APBA2: variants seen among roughly 807,000 people sequenced by gnomAD.
The protein encoded by APBA2 is amyloid-beta A4 precursor protein-binding family A member 2.
A neutral mutation model predicts 75.0 loss-of-function variants in APBA2; 30 were observed. The ratio of observed to expected loss-of-function variants is 0.40; its 90% CI spans 0.30 to 0.54. The LOEUF (loss-of-function observed/expected upper bound fraction) is 0.54. Among genes scored for constraint, APBA2 ranks in the 20% least tolerant of loss-of-function variants. The pLI is 0.49. For synonymous variants in APBA2, 444 were observed against 409.6 expected, an observed-to-expected ratio of 1.08 and a Z score of -1.01; for missense variants, 801 against 1,016.1, an observed-to-expected ratio of 0.79 and a Z score of 2.88.
intron 2 of APBA2, among the ~76,000 whole-genome samples, chr15:28,957,746 CG>C (rs1193062233): frequency 1.3e-5 from 2 of 152,028 alleles, no homozygotes; most frequent in Non-Finnish European, 2.9e-5. Flanking sequence ...GAGAGGGCGA[CG>C]GGTGGTGCTG....
rs563644146 is a variant in APBA2 at position 28,989,045 on chromosome 15, G to A, written c.-94-6708G>A. ...TTTGCATTTCCCTGCGTGCCAGTGA[G>A]GCTAACATCTTTCCATGTATCTATT... On this transcript the variant is annotated intron_variant, in intron 2 of 14. Transcript: ENST00000683413. Among the ~76,000 whole-genome samples the A allele has an allele frequency of 5.4e-4, 82 of 152,208 alleles. 1 individual carries two copies. The South Asian group carries it at 0.016, about 30-fold the overall frequency.
intron 14 of APBA2, among the ~76,000 whole-genome samples, chr15:29,114,775 T>A (rs12914907): frequency 1.9e-4 from 17 of 89,286 alleles, no homozygotes; most frequent in East Asian, 6.2e-4. Flanking sequence ...TGTACCTGAG[T>A]GTGCGTGTGG....
intron 3 of APBA2, among the ~76,000 whole-genome samples, chr15:29,027,540 T>C (rs1391957087): frequency 2.0e-5 from 3 of 152,124 alleles, no homozygotes; most frequent in Admixed American, 1.3e-4. Context: ...ATATGTATTC[T>C]TTTTATACTG....
At chr15:29,105,317 TGAG>T (rs1357496085) in intron 10 of APBA2, 59 bp from the exon 11 acceptor site, 9 of 1,525,676 alleles carry the variant, frequency 5.9e-6, no homozygotes, top group Middle Eastern at 1.9e-4. Context: ...AGCCCCCTGC[TGAG>T]GAGGCTGCGG....
chr15:28,997,951 C>T (rs2038622119), intron 3 of APBA2, among the ~76,000 whole-genome samples: 1 of 152,186 alleles, frequency 6.6e-6, no homozygotes, highest in Non-Finnish European at 1.5e-5. Context: ...CATATTCCTT[C>T]TCAGAGAGAA....
intron 1 of APBA2, among the ~76,000 whole-genome samples, chr15:28,904,625 T>C (rs150326861): frequency 0.031 from 4,778 of 152,266 alleles, 262 homozygotes; most frequent in African/African-American, 0.11. Context: ...ACCCATTTGA[T>C]GGTACACCAT....
chr15:29,036,009 C>T (rs1001446930), intron 3 of APBA2, among the ~76,000 whole-genome samples: 8 of 152,162 alleles, frequency 5.3e-5, no homozygotes, highest in African/African-American at 1.7e-4. Context: ...GGGACTCCAC[C>T]GCTGGTGACC....
chr15:29,092,262 C>G lies in APBA2; in HGVS notation c.1070-813C>G, dbSNP rs1278657340. Among the ~76,000 whole-genome samples, 3 of 152,186 alleles carry G rather than the reference C, an allele frequency of 2.0e-5. No homozygotes were observed. In the East Asian group the frequency reaches 5.8e-4, roughly 29 times the overall value. On this transcript the variant is annotated intron_variant, in intron 6 of 14. Transcript: ENST00000683413. ...ACAGGAAAGGTTTGCCCACCCCTAG[C>G]TGGAGCCTTATTGTCTGGCATAGGA...
intron 1 of APBA2, among the ~76,000 whole-genome samples, chr15:28,896,220 A>G (rs989649559): frequency 4.6e-5 from 7 of 152,332 alleles, no homozygotes; most frequent in Middle Eastern, 3.4e-3. Flanking sequence ...TTTTAATCAG[A>G]TATCTAATAT....
At chr15:28,914,398 TCAGAATTG>T (rs1417937435) in intron 1 of APBA2, among the ~76,000 whole-genome samples, 7 of 152,184 alleles carry the variant, frequency 4.6e-5, no homozygotes, top group African/African-American at 1.7e-4. Context: ...TATGAAGGAT[TCAGAATTG>T]CAGAAGTTTG....
At chr15:28,950,456 T>C (rs540953655) in intron 2 of APBA2, among the ~76,000 whole-genome samples, 1 of 151,976 alleles carries the variant, frequency 6.6e-6, no homozygotes, top group Non-Finnish European at 1.5e-5. Flanking sequence ...TGAAACCCCG[T>C]CTCTATTAAA....
chr15:29,047,586 G>A (rs545179620), intron 3 of APBA2, among the ~76,000 whole-genome samples: 7 of 152,172 alleles, frequency 4.6e-5, no homozygotes, highest in Middle Eastern at 3.4e-3. Flanking sequence ...TCTCCCCCTG[G>A]TTCAGCCATC....
chr15:28,965,942 G>T (rs1186378188), intron 2 of APBA2, among the ~76,000 whole-genome samples: 3 of 152,110 alleles, frequency 2.0e-5, no homozygotes, highest in Admixed American at 6.5e-5. Flanking sequence ...TTTCCCTTGA[G>T]ATTTCCCCTT....
chr15:29,058,044 GA>G (rs1177705631), intron 4 of APBA2, among the ~76,000 whole-genome samples: 2 of 152,060 alleles, frequency 1.3e-5, no homozygotes, highest in Non-Finnish European at 1.5e-5. Flanking sequence ...ATTTTCTTTT[GA>G]ATTTTGGTTA....
intron 10 of APBA2, 34 bp from the exon 11 acceptor site, chr15:29,105,345 G>A (rs376200485): frequency 4.2e-5 from 68 of 1,601,154 alleles, no homozygotes; most frequent in Middle Eastern, 1.7e-4. Flanking sequence ...CCTGTGCCAC[G>A]TGCCTGTCTC....
chr15:29,070,938 C>G (rs2042593113), intron 4 of APBA2: 1 of 382,292 alleles, frequency 2.6e-6, no homozygotes, highest in South Asian at 2.0e-5. Flanking sequence ...TTCTCTGTCA[C>G]AGGGTTACGT....
At chr15:29,092,995 T>A in intron 6 of APBA2, 80 bp from the exon 7 acceptor site, 1 of 1,576,160 alleles carries the variant, frequency 6.3e-7, no homozygotes, top group African/African-American at 1.3e-5. Context: ...CCGTGTTCCT[T>A]GTGCTATGGC....
intron 2 of APBA2, among the ~76,000 whole-genome samples, chr15:28,954,681 G>A (rs780886855): frequency 2.6e-5 from 4 of 152,164 alleles, no homozygotes; most frequent in African/African-American, 7.2e-5. Context: ...TCTTGAAGAC[G>A]GCGCTCACGG....
intron 3 of APBA2, among the ~76,000 whole-genome samples, chr15:29,017,140 G>C (rs1161600055): frequency 6.6e-6 from 1 of 152,054 alleles, no homozygotes; most frequent in African/African-American, 2.4e-5. Flanking sequence ...TGCAGCTTGA[G>C]GTCCTTGCTC....
Sources: allele counts gnomAD v4.1 joint callset (sites outside exome capture counted in the v4.1 genomes callset), GRCh38; gene constraint gnomAD v4.1.1; transcripts MANE v1.5; gene names NCBI Gene and HGNC (gene_info 2026-07-23, HGNC 2026-07-21).